RELN: variants seen among roughly 807,000 people sequenced by gnomAD.
RELN encodes reelin.
RELN carries 108 observed loss-of-function variants against 427.6 expected under a neutral mutation model. The observed-to-expected ratio is 0.25, with a 90% CI of 0.22 to 0.30. RELN has a LOEUF of 0.30. Ranked by LOEUF, RELN falls within the 10% of genes least tolerant of loss-of-function variation. The pLI is 1.00. For missense variants in RELN, 3,715 were observed against 4,302.8 expected, an observed-to-expected ratio of 0.86 and a Z score of 3.82; for synonymous variants, 1,524 against 1,513.4, an observed-to-expected ratio of 1.01 and a Z score of -0.16.
In RELN at chr7:103,630,016, GA is replaced by G; in HGVS notation, c.2625del (p.Val877TrpfsTer46). 1 of 1,613,846 alleles carries G rather than the reference GA, an allele frequency of 6.2e-7. No individual in the cohort carries two copies. On this transcript the variant is annotated frameshift_variant, in exon 20 of 65. Coordinates refer to ENST00000428762, the MANE Select transcript of RELN (RefSeq NM_005045.4). LOFTEE classifies it high-confidence loss of function. ...LFNSISLDFT[N>X]LVEVTQSLGF... ...CCCAGAGACTGAGTGACCTCCACAA[GA>G]TTGGTAAAGTCAAGACTAATGCTGT...
chr7:103,827,874 C>T (rs942493667), intron 3 of RELN, among the ~76,000 whole-genome samples: 4 of 151,968 alleles, frequency 2.6e-5, no homozygotes, highest in Non-Finnish European at 5.9e-5. Flanking sequence ...AATAGCATAT[C>T]CAGTTTTATC....
At position 103,873,141 on chromosome 7, in the gene RELN, T is replaced by C. The variant is rs1165477109; in HGVS notation, c.338-39469A>G. On this transcript the variant is annotated intron_variant, in intron 2 of 64. Coordinates refer to ENST00000428762, the MANE Select transcript of RELN (RefSeq NM_005045.4). ...AATGAAATGAAGGCAGAAATAAAGA[T>C]GTTCTTTGAAACCAACGAGAACAAA... 1.1e-4 allele frequency among the ~76,000 whole-genome samples: 17 copies of C among 150,844 alleles called. 1 individual carries two copies. In the East Asian group the frequency reaches 3.4e-3, roughly 30 times the overall value.
At chr7:103,793,732 G>A (rs1260547122) in intron 3 of RELN, among the ~76,000 whole-genome samples, 1 of 152,172 alleles carries the variant, frequency 6.6e-6, no homozygotes, top group African/African-American at 2.4e-5. Flanking sequence ...AGTGACAGTG[G>A]TTGTCATCGG....
Position 103,480,286 on chromosome 7 carries a change from G to A in RELN, c.10281-1892C>T, listed in dbSNP as rs187356463. On this transcript the variant is annotated intron_variant, in intron 63 of 64. Transcript: ENST00000428762. ...TATAATTAAGAATATTTGTGATCATGACATGAACCTTGGCTCTAGCTTCTT... is the reference window on the plus strand; with the variant it reads ...TATAATTAAGAATATTTGTGATCATAACATGAACCTTGGCTCTAGCTTCTT... 3.9e-3 allele frequency among the ~76,000 whole-genome samples: 592 copies of A among 152,298 alleles called. 3 individuals are homozygous for A. The highest frequency in any genetic ancestry group is 6.8e-3 in the Middle Eastern group (2 of 294).
At chr7:103,879,917 AT>A (rs1032978542) in intron 2 of RELN, among the ~76,000 whole-genome samples, 55 of 151,548 alleles carry the variant, frequency 3.6e-4, no homozygotes, top group East Asian at 7.8e-4. Flanking sequence ...GCCATCATTA[AT>A]TTTTTTTTCC....
intron 1 of RELN, among the ~76,000 whole-genome samples, chr7:103,923,248 C>T (rs1389656393): frequency 6.6e-6 from 1 of 152,160 alleles, no homozygotes; most frequent in Non-Finnish European, 1.5e-5. Flanking sequence ...GTATGTTCAA[C>T]TACTGATTCT....
chr7:103,981,397 G>A (rs968734084), intron 1 of RELN, among the ~76,000 whole-genome samples: 2 of 152,178 alleles, frequency 1.3e-5, no homozygotes, highest in Non-Finnish European at 2.9e-5. Flanking sequence ...ACCTGTAAAA[G>A]TAGCATACCT....
chr7:103,621,076 C>G (rs573424112), intron 20 of RELN, among the ~76,000 whole-genome samples: 9 of 152,258 alleles, frequency 5.9e-5, no homozygotes, highest in African/African-American at 2.2e-4. Flanking sequence ...TGTAGGACCT[C>G]GATACTTTTA....
intron 1 of RELN, among the ~76,000 whole-genome samples, chr7:103,934,117 C>T (rs1795926331): frequency 8.7e-6 from 1 of 115,190 alleles, no homozygotes; most frequent in Non-Finnish European, 1.7e-5. Context: ...AGTTGGTGAC[C>T]ACAAAGTGAC....
intron 28 of RELN, among the ~76,000 whole-genome samples, chr7:103,577,262 G>A (rs1831025252): frequency 6.6e-6 from 1 of 152,112 alleles, no homozygotes; most frequent in African/African-American, 2.4e-5. Flanking sequence ...CTCTTCAAGT[G>A]GCTTTGGAAA....
At chr7:103,536,310 C>T (rs908805446) in intron 45 of RELN, among the ~76,000 whole-genome samples, 4 of 152,148 alleles carry the variant, frequency 2.6e-5, no homozygotes, top group African/African-American at 9.7e-5. Flanking sequence ...CCCATACCCC[C>T]TGTCTTTTAT....
chr7:103,600,116 T>C (rs1831630563), intron 24 of RELN, among the ~76,000 whole-genome samples: 1 of 152,172 alleles, frequency 6.6e-6, no homozygotes, highest in Admixed American at 6.6e-5. Context: ...TGGGATGCTC[T>C]TAAACTCCTA....
At chr7:103,496,472 T>G in intron 56 of RELN, 54 bp downstream of exon 56, 1 of 1,612,226 alleles carries the variant, frequency 6.2e-7, no homozygotes, top group Non-Finnish European at 8.5e-7. Flanking sequence ...TCTGAAGACA[T>G]AAGCAGAAAA....
At chr7:103,535,617 C>T in intron 45 of RELN, 133 bp from the exon 46 acceptor site, 1 of 800,680 alleles carries the variant, frequency 1.2e-6, no homozygotes, top group Admixed American at 2.3e-5. Flanking sequence ...CTTATATTTC[C>T]TGCTTTGAAA....
intron 1 of RELN, among the ~76,000 whole-genome samples, chr7:103,962,646 T>TTGTGTGTGTGTGTGTGTGTGTG (rs57782980): frequency 1.3e-4 from 20 of 149,924 alleles, no homozygotes; most frequent in African/African-American, 4.9e-4. Flanking sequence ...TCCAAAGTTG[T>TTGTGTGTGTGTGTGTGTGTGTG]TGTGTGTGTG....
chr7:103,514,774 C>T (rs1376408806), intron 50 of RELN, among the ~76,000 whole-genome samples: 1 of 152,120 alleles, frequency 6.6e-6, no homozygotes, highest in Non-Finnish European at 1.5e-5. Context: ...ACATGAAATG[C>T]CATTACAAAT....
intron 3 of RELN, among the ~76,000 whole-genome samples, chr7:103,785,182 T>C (rs888116682): frequency 6.6e-6 from 1 of 152,124 alleles, no homozygotes; most frequent in African/African-American, 2.4e-5. Flanking sequence ...AAATGCCTTC[T>C]AAAACATTAA....
At position 103,811,048 on chromosome 7, in the gene RELN, G is replaced by A. The variant is rs118169882; in HGVS notation, c.473+22489C>T. ...TTAAAATAAAAACTATTTTGATTTGGCATTAATGTTCAATTATTTATTTTT... is the reference window on the plus strand; with the variant it reads ...TTAAAATAAAAACTATTTTGATTTGACATTAATGTTCAATTATTTATTTTT... On this transcript the variant is annotated intron_variant, in intron 3 of 64. Coordinates refer to ENST00000428762, the MANE Select transcript of RELN (RefSeq NM_005045.4). 8.1e-3 allele frequency among the ~76,000 whole-genome samples: 1,228 copies of A among 152,194 alleles called. 37 individuals carry two copies. The highest frequency in any genetic ancestry group is 0.05 in the Admixed American group (765 of 15,278).
intron 4 of RELN, among the ~76,000 whole-genome samples, chr7:103,770,594 G>A (rs1298528566): frequency 2.6e-5 from 4 of 152,092 alleles, no homozygotes; most frequent in Non-Finnish European, 4.4e-5. Context: ...GAGAGAGGGA[G>A]AGAAAATCCA....
Sources: gnomAD v4.1 joint callset for allele counts (sites outside exome capture counted in the v4.1 genomes callset) on GRCh38, gnomAD v4.1.1 for gene constraint, MANE v1.5 for transcripts, NCBI Gene and HGNC (gene_info 2026-07-23, HGNC 2026-07-21) for gene names.